Variants in FBXO43 observed in about 807,000 individuals in gnomAD.
The protein encoded by FBXO43 is F-box only protein 43.
FBXO43 carries 22 observed loss-of-function variants against 56.7 expected under a neutral mutation model. That is an observed-to-expected ratio of 0.39 (90% CI 0.28 to 0.55). FBXO43 has a LOEUF of 0.55. Among genes scored for constraint, FBXO43 ranks in the 20% least tolerant of loss-of-function variants. The pLI is 0.66. For missense variants in FBXO43, 733 were observed against 814.9 expected (o/e 0.90, Z 1.22); for synonymous variants, 306 against 294.5 (o/e 1.04, Z -0.40).
intron 2 of FBXO43, 29 bp from the exon 3 acceptor site, chr8:100,137,696 G>A: frequency 6.7e-7 from 1 of 1,496,690 alleles, no homozygotes; most frequent in Non-Finnish European, 9.3e-7. Flanking sequence ...TCCTTATATT[G>A]CATACATTCT....
At chr8:100,147,123 C>T (rs1326184162), upstream of FBXO43, among the ~76,000 whole-genome samples, 8 of 152,364 alleles carry the variant, frequency 5.3e-5, no homozygotes, top group African/African-American at 1.7e-4. Context: ...GCTGAGATTA[C>T]AGGCATGAGC....
At chr8:100,144,813 T>C (rs1341815996) in intron 1 of FBXO43, among the ~76,000 whole-genome samples, 2 of 150,948 alleles carry the variant, frequency 1.3e-5, no homozygotes, top group East Asian at 1.9e-4. Flanking sequence ...GCGCCTGTAG[T>C]CCCAGCTACT....
intron 1 of FBXO43, among the ~76,000 whole-genome samples, chr8:100,143,262 A>G (rs985101491): frequency 6.6e-6 from 1 of 152,238 alleles, no homozygotes; most frequent in Non-Finnish European, 1.5e-5. Context: ...TCTCCAGGAC[A>G]AATGCACAAT....
intron 1 of FBXO43, among the ~76,000 whole-genome samples, chr8:100,143,758 TATTTTTA>T (rs979586062): frequency 7.2e-5 from 11 of 152,084 alleles, no homozygotes; most frequent in African/African-American, 2.2e-4. Context: ...ACAGCCCTTT[TATTTTTA>T]ATTTTTAATT....
intron 2 of FBXO43, among the ~76,000 whole-genome samples, chr8:100,138,752 T>A (rs16897982): frequency 0.025 from 3,777 of 152,240 alleles, 152 homozygotes; most frequent in African/African-American, 0.086. Flanking sequence ...AAAATAGCAT[T>A]CCTGGCTGGT....
At chr8:100,143,536 CCT>C (rs1321175937) in intron 1 of FBXO43, among the ~76,000 whole-genome samples, 1 of 152,194 alleles carries the variant, frequency 6.6e-6, no homozygotes, top group African/African-American at 2.4e-5. Flanking sequence ...TGATCTACAT[CCT>C]CTCAGATCAC....
Position 100,133,781 on chromosome 8 carries a change from G to C in FBXO43, c.*21C>G, listed in dbSNP as rs1448288527. On this transcript the variant is annotated 3_prime_UTR_variant, in exon 5 of 5. Coordinates refer to ENST00000428847, the MANE Select transcript of FBXO43 (RefSeq NM_001029860.4). Reference sequence around the variant, plus strand: ...TCAGATAAATAGAACACTGCATGGGGGAGTTCTATATTTAGTCTCTTCAGA... The same window carrying C: ...TCAGATAAATAGAACACTGCATGGGCGAGTTCTATATTTAGTCTCTTCAGA... 6.2e-7 allele frequency: 1 copy of C among 1,602,932 alleles called. No individual in the cohort carries two copies. The highest frequency in any genetic ancestry group is 8.5e-7 in the Non-Finnish European group (1 of 1,175,096).
In FBXO43 at chr8:100,133,999, G is replaced by C. The variant is rs767741235; in HGVS notation, c.1930C>G (p.Gln644Glu). The C allele has an allele frequency of 1.9e-6, 3 of 1,614,148 alleles. No homozygotes were observed. The highest frequency in any genetic ancestry group is 2.5e-6 in the Non-Finnish European group (3 of 1,180,024). ...DEALKPCPRC[Q>E]SPAKYQPYKK... ...TATGGCTGGTACTTAGCAGGGGACT[G>C]GCACCTTGGGCAAGGTTTTAATGCT... The change falls in exon 5 of 5, where the codon CAG (glutamine) becomes GAG (glutamate). Residue 644 changes from glutamine (Q) to glutamate (E), a missense_variant. Transcript: ENST00000428847.
chr8:100,137,518 TTATG>T, intron 3 of FBXO43, 43 bp downstream of exon 3: 1 of 1,236,596 alleles, frequency 8.1e-7, no homozygotes, highest in Non-Finnish European at 1.2e-6. Flanking sequence ...CATGAGATTA[TTATG>T]TATTTATACA....
chr8:100,141,608 C>T lies in FBXO43; in HGVS notation c.646G>A (p.Val216Met). 1 of 1,612,732 alleles carries T rather than the reference C, an allele frequency of 6.2e-7. No homozygotes were observed. Among genetic ancestry groups the T allele is most frequent in the South Asian group, 1.1e-5 (1 of 91,040 alleles). ...LVTSTLKTEE[V>M]TSCSQKLRLN... ...CTCAATTTTTGACTGCATGAAGTCA[C>T]TTCTTCTGTTTTTAAAGTGCTAGTA... Residue 216 changes from valine (V) to methionine (M), a missense_variant, in exon 2 of 5, where the codon GTG becomes ATG. Val to Met is a conservative substitution (Grantham distance 21). Transcript: ENST00000428847.
chr8:100,146,330 G>A (rs1204164660), upstream of FBXO43, among the ~76,000 whole-genome samples: 1 of 152,120 alleles, frequency 6.6e-6, no homozygotes, highest in Non-Finnish European at 1.5e-5. Context: ...AGCTGAGCCG[G>A]GCCTGGTGGC....
At position 100,145,335 on chromosome 8, in the gene FBXO43, T is replaced by G. The variant is rs1322376604; in HGVS notation, c.-200A>C. The G allele has an allele frequency of 4.5e-6, 2 of 439,880 alleles. No individual in the cohort carries two copies. The highest frequency in any genetic ancestry group is 4.1e-5 in the African/African-American group (2 of 49,110). 27.2% of individuals were successfully genotyped at this position (439,880 alleles called of 1,614,324 possible). A position where few individuals can be genotyped will look rare whatever the true frequency, so the allele number is the denominator to read the frequency against. On this transcript the variant is annotated 5_prime_UTR_variant, in exon 1 of 5. Coordinates refer to ENST00000428847, the MANE Select transcript of FBXO43 (RefSeq NM_001029860.4). ...TAGTTATCTTAATATCCTTGTTTTC[T>G]CCAGCTGGACTTAGACATGAGTAAA...
At chr8:100,139,317 A>G (rs1327718726) in intron 2 of FBXO43, among the ~76,000 whole-genome samples, 1 of 151,508 alleles carries the variant, frequency 6.6e-6, no homozygotes, top group Non-Finnish European at 1.5e-5. Flanking sequence ...AGAACAGAAC[A>G]GGCAGTGGCT....
At chr8:100,134,826 A>C (rs1356646371) in intron 3 of FBXO43, among the ~76,000 whole-genome samples, 2 of 152,142 alleles carry the variant, frequency 1.3e-5, no homozygotes, top group African/African-American at 2.4e-5. Context: ...TGTTTTGGTT[A>C]ATAATACATT....
rs781093367 is a variant in FBXO43 at position 100,141,049 on chromosome 8, A to G, written c.1205T>C (p.Ile402Thr). The change falls in exon 2 of 5, where the codon ATT (isoleucine) becomes ACT (threonine). Residue 402 changes from isoleucine to threonine, a missense_variant. By Grantham distance (89) the Ile-to-Thr change is moderately conservative. Coordinates refer to ENST00000428847, the MANE Select transcript of FBXO43 (RefSeq NM_001029860.4). ...TCTTTTTTCAGAGTCAGGGTGGACA[A>G]TCTGCTTTTCCTCTTCTGTCTCTGA... ...SQSETEEEKQ[I>T]VHPDSEKRAA... The G allele has an allele frequency of 1.2e-6, 2 of 1,614,212 alleles. No homozygotes were observed. Among genetic ancestry groups the G allele is most frequent in the East Asian group, 2.2e-5 (1 of 44,890 alleles).
intron 1 of FBXO43, among the ~76,000 whole-genome samples, chr8:100,144,670 G>T (rs936597160): frequency 6.7e-6 from 1 of 150,060 alleles, no homozygotes; most frequent in Admixed American, 6.6e-5. Context: ...GGTGGCTCAC[G>T]CCCGTAATCC....
chr8:100,138,152 C>T (rs1814529694), intron 2 of FBXO43, among the ~76,000 whole-genome samples: 1 of 152,188 alleles, frequency 6.6e-6, no homozygotes, highest in Admixed American at 6.5e-5. Flanking sequence ...GGTCGCACCA[C>T]AGAGTTCCTA....
chr8:100,141,883 T>C lies in FBXO43; in HGVS notation c.371A>G (p.Gln124Arg). Residue 124 changes from glutamine to arginine, a missense_variant, in exon 2 of 5, where the codon CAA (glutamine) becomes CGA (arginine). Transcript: ENST00000428847. Reference sequence around the variant, plus strand: ...TCTAGGCAAGATACATTTCTTTTTTTGAGTGGGAGATTCTAAAGGATGTGT... The same window carrying C: ...TCTAGGCAAGATACATTTCTTTTTTCGAGTGGGAGATTCTAAAGGATGTGT... ...GLTHPLESPT[Q>R]KKKCILPRKE... 6.3e-7 allele frequency: 1 copy of C among 1,589,440 alleles called. No individual in the cohort carries two copies. The highest frequency in any genetic ancestry group is 8.5e-7 in the Non-Finnish European group (1 of 1,172,768).
chr8:100,139,717 G>A (rs1277155376), intron 2 of FBXO43, among the ~76,000 whole-genome samples: 1 of 152,142 alleles, frequency 6.6e-6, no homozygotes, highest in Non-Finnish European at 1.5e-5. Flanking sequence ...TCCTTATTAT[G>A]TAGCAGCATT....
Sources: allele counts gnomAD v4.1 joint callset (sites outside exome capture counted in the v4.1 genomes callset), GRCh38; gene constraint gnomAD v4.1.1; transcripts MANE v1.5; gene names NCBI Gene and HGNC (gene_info 2026-07-23, HGNC 2026-07-21).